KPNA1: variants seen among roughly 807,000 people sequenced by gnomAD.
KPNA1 encodes the protein importin subunit alpha-5.
KPNA1 carries 10 observed loss-of-function variants against 70.5 expected under a neutral mutation model. That is an observed-to-expected ratio of 0.14 (90% CI 0.09 to 0.24). The LOEUF is 0.24. Among genes scored for constraint, KPNA1 ranks in the 10% least tolerant of loss-of-function variants. The probability of loss-of-function intolerance (pLI) is 1.00; values close to 1 mark genes in which losing one functional copy is unlikely to be tolerated. For missense variants in KPNA1, 397 were observed against 637.9 expected, an observed-to-expected ratio of 0.62 and a Z score of 4.07; for synonymous variants, 192 against 221.9, an observed-to-expected ratio of 0.87 and a Z score of 1.20.
At chr3:122,503,124 A>C (rs902471620) in intron 1 of KPNA1, among the ~76,000 whole-genome samples, 4 of 152,300 alleles carry the variant, frequency 2.6e-5, no homozygotes, top group Non-Finnish European at 2.9e-5. Flanking sequence ...GGTCAAAAAA[A>C]GGAAAAAGCC....
intron 2 of KPNA1, among the ~76,000 whole-genome samples, chr3:122,469,875 TGA>T (rs1224181989): frequency 1.3e-5 from 2 of 152,184 alleles, no homozygotes; most frequent in African/African-American, 2.4e-5. Context: ...TTTGAAGTGT[TGA>T]GAGAGAAAAC....
At chr3:122,446,919 G>A (rs1214846617) in intron 9 of KPNA1, among the ~76,000 whole-genome samples, 1 of 152,152 alleles carries the variant, frequency 6.6e-6, no homozygotes, top group Non-Finnish European at 1.5e-5. Flanking sequence ...AGAAAATCTA[G>A]AAGAAATGGA....
chr3:122,442,206 T>C (rs1387682080), intron 9 of KPNA1, 90 bp from the exon 10 acceptor site: 4 of 999,592 alleles, frequency 4.0e-6, no homozygotes, highest in Non-Finnish European at 6.3e-6. Context: ...AAAAAAATTG[T>C]GATAGAATTT....
chr3:122,494,406 T>C (rs1351494333), intron 2 of KPNA1, among the ~76,000 whole-genome samples: 3 of 152,232 alleles, frequency 2.0e-5, no homozygotes, highest in Admixed American at 6.5e-5. Context: ...CCCCAGTATA[T>C]ACTTTTGCCA....
chr3:122,453,869 C>T lies in KPNA1; in HGVS notation c.564+1G>A. On this transcript the variant is annotated splice_donor_variant, in intron 6 of 13. Coordinates refer to ENST00000344337, the MANE Select transcript of KPNA1 (RefSeq NM_002264.4). LOFTEE classifies it high-confidence loss of function. ...CCTGCTTCTTTTTGTTTCATTTTTA[C>T]CTGTTCCTGGACATCTTCAAACTCT... 6.3e-7 allele frequency: 1 copy of T among 1,589,886 alleles called. No homozygotes were observed. Among genetic ancestry groups the T allele is most frequent in the Non-Finnish European group, 8.5e-7 (1 of 1,171,182 alleles).
intron 12 of KPNA1, 146 bp from the exon 13 acceptor site, chr3:122,427,862 C>T (rs1576268558): frequency 4.3e-6 from 2 of 468,274 alleles, no homozygotes; most frequent in Non-Finnish European, 3.6e-6. Flanking sequence ...CAAGCTATAC[C>T]TTTTCACAAA....
chr3:122,512,072 C>T (rs939050694), intron 1 of KPNA1, among the ~76,000 whole-genome samples: 10 of 152,000 alleles, frequency 6.6e-5, no homozygotes, highest in African/African-American at 1.7e-4. Context: ...TTCCAGGTTA[C>T]GTATAAAATA....
chr3:122,463,919 T>A lies in KPNA1; in HGVS notation c.337+23A>T, dbSNP rs190998857. ...AATTTTGTAGAGAGATGAAAAAATATACTGAACATATTCATAGCTCACCTT... is the reference window on the plus strand; with the variant it reads ...AATTTTGTAGAGAGATGAAAAAATAAACTGAACATATTCATAGCTCACCTT... On this transcript the variant is annotated intron_variant, in intron 4 of 13. Coordinates refer to ENST00000344337, the MANE Select transcript of KPNA1 (RefSeq NM_002264.4). 1,986 of 1,353,690 alleles carry A rather than the reference T, an allele frequency of 1.5e-3. 19 individuals are homozygous for A. The African/African-American group carries it at 0.024, about 16-fold the overall frequency. 83.9% of individuals were successfully genotyped at this position (1,353,690 alleles called of 1,614,324 possible). A position where few individuals can be genotyped will look rare whatever the true frequency, so the allele number is the denominator to read the frequency against.
intron 10 of KPNA1, 49 bp from the exon 11 acceptor site, chr3:122,437,344 CA>C (rs1425603104): frequency 8.8e-6 from 12 of 1,358,502 alleles, no homozygotes; most frequent in Non-Finnish European, 1.1e-5. Flanking sequence ...TTCTAAATAT[CA>C]ATGTTTAACT....
At chr3:122,492,514 T>C (rs2076712012) in intron 2 of KPNA1, among the ~76,000 whole-genome samples, 1 of 152,220 alleles carries the variant, frequency 6.6e-6, no homozygotes, top group Admixed American at 6.5e-5. Flanking sequence ...TTAACCCATG[T>C]CTAGAATATT....
chr3:122,466,409 T>C (rs752204950), intron 3 of KPNA1, among the ~76,000 whole-genome samples: 8 of 152,146 alleles, frequency 5.3e-5, no homozygotes, highest in Non-Finnish European at 1.0e-4. Context: ...TTTTTGTTAC[T>C]ACAAACAACA....
chr3:122,488,236 C>A (rs192156943), intron 2 of KPNA1, among the ~76,000 whole-genome samples: 2 of 151,984 alleles, frequency 1.3e-5, no homozygotes, highest in Non-Finnish European at 2.9e-5. Flanking sequence ...AATCTTTATC[C>A]GGGACTGGGC....
intron 2 of KPNA1, among the ~76,000 whole-genome samples, chr3:122,488,196 C>G (rs932607032): frequency 6.6e-6 from 1 of 152,128 alleles, no homozygotes; most frequent in Non-Finnish European, 1.5e-5. Context: ...GAAAAGCTGA[C>G]TGCGCTCTTT....
Sources: allele counts gnomAD v4.1 joint callset (sites outside exome capture counted in the v4.1 genomes callset), GRCh38; gene constraint gnomAD v4.1.1; transcripts MANE v1.5; gene names NCBI Gene and HGNC (gene_info 2026-07-23, HGNC 2026-07-21).